The following CNTN5 variants were observed in gnomAD, a reference collection of about 807,000 sequenced individuals.
CNTN5 encodes the protein contactin-5.
CNTN5 carries 77 observed loss-of-function variants against 129.1 expected under a neutral mutation model. The ratio of observed to expected loss-of-function variants is 0.60; its 90% CI spans 0.50 to 0.72. CNTN5 has a LOEUF of 0.72. CNTN5 is among the 30% of genes least tolerant of loss of function. The pLI is 0.00. For synonymous variants in CNTN5, 509 were observed against 465.6 expected (o/e 1.09, Z -1.20); for missense variants, 1,478 against 1,328.8 (o/e 1.11, Z -1.75).
intron 1 of CNTN5, among the ~76,000 whole-genome samples, chr11:99,042,120 A>G (rs1208147533): frequency 6.6e-6 from 1 of 152,164 alleles, no homozygotes; most frequent in African/African-American, 2.4e-5. Flanking sequence ...GTATCATTAT[A>G]TATAATTATT....
chr11:100,122,151 A>C (rs975697125), intron 13 of CNTN5, among the ~76,000 whole-genome samples: 2 of 152,036 alleles, frequency 1.3e-5, no homozygotes, highest in Non-Finnish European at 2.9e-5. Context: ...TAAACACTTC[A>C]GAACCAAGAA....
At chr11:99,205,226 C>T (rs979544620) in intron 1 of CNTN5, among the ~76,000 whole-genome samples, 2 of 152,106 alleles carry the variant, frequency 1.3e-5, no homozygotes, top group East Asian at 1.9e-4. Flanking sequence ...TTCTTGGTCA[C>T]TGAATAGTAT....
intron 3 of CNTN5, among the ~76,000 whole-genome samples, chr11:99,798,785 T>C (rs898333294): frequency 6.6e-6 from 1 of 152,196 alleles, no homozygotes; most frequent in Non-Finnish European, 1.5e-5. Context: ...AAATAATTTG[T>C]TCTAGCTCTG....
intron 1 of CNTN5, among the ~76,000 whole-genome samples, chr11:99,272,097 G>A (rs1460951442): frequency 6.6e-6 from 1 of 151,796 alleles, no homozygotes; most frequent in Non-Finnish European, 1.5e-5. Context: ...ATGATATAAG[G>A]GTTTTAATTA....
At chr11:99,986,440 G>A (rs4754656) in intron 8 of CNTN5, among the ~76,000 whole-genome samples, 106,344 of 151,890 alleles carry the variant, frequency 0.7, 37,565 homozygotes, top group East Asian at 0.8. Context: ...CTGTATGACT[G>A]CTACACCACT....
chr11:99,102,870 A>G (rs1318943721), intron 1 of CNTN5, among the ~76,000 whole-genome samples: 1 of 152,100 alleles, frequency 6.6e-6, no homozygotes, highest in Non-Finnish European at 1.5e-5. Context: ...TACTGGTACC[A>G]ATTTACTGTA....
chr11:99,747,682 C>A (rs1944099911), intron 3 of CNTN5, among the ~76,000 whole-genome samples: 1 of 151,966 alleles, frequency 6.6e-6, no homozygotes. Flanking sequence ...ACTGTGTTAG[C>A]CAGGATGGTT....
intron 3 of CNTN5, among the ~76,000 whole-genome samples, chr11:99,692,028 T>G (rs569304452): frequency 2.0e-5 from 3 of 152,350 alleles, no homozygotes; most frequent in African/African-American, 7.2e-5. Context: ...CTTTCTTGGT[T>G]TAGTGTCTGT....
intron 8 of CNTN5, among the ~76,000 whole-genome samples, chr11:99,991,309 T>C (rs1036822521): frequency 6.6e-6 from 1 of 150,406 alleles, no homozygotes; most frequent in South Asian, 2.1e-4. Flanking sequence ...CTACTAAAAG[T>C]ACAAAAAATT....
At chr11:99,995,604 T>C (rs140430603) in intron 8 of CNTN5, among the ~76,000 whole-genome samples, 1 of 152,272 alleles carries the variant, frequency 6.6e-6, no homozygotes, top group East Asian at 1.9e-4. Context: ...TCATTCCACA[T>C]ACATATGCAA....
chr11:99,108,019 A>G (rs1857596631), intron 1 of CNTN5, among the ~76,000 whole-genome samples: 1 of 151,672 alleles, frequency 6.6e-6, no homozygotes, highest in South Asian at 2.1e-4. Flanking sequence ...ATTTAGCAGA[A>G]CTGGACTATG....
At chr11:99,908,416 C>T (rs551121559) in intron 6 of CNTN5, among the ~76,000 whole-genome samples, 2 of 151,964 alleles carry the variant, frequency 1.3e-5, no homozygotes, top group Non-Finnish European at 2.9e-5. Context: ...TACTCAAACT[C>T]TCTGTGTATG....
chr11:99,772,456 C>A (rs1484468702), intron 3 of CNTN5, among the ~76,000 whole-genome samples: 2 of 151,984 alleles, frequency 1.3e-5, no homozygotes, highest in African/African-American at 4.8e-5. Flanking sequence ...GGATTTGCTC[C>A]TGACATATTC....
At chr11:99,550,647 C>G (rs1433113278) in intron 2 of CNTN5, among the ~76,000 whole-genome samples, 1 of 152,136 alleles carries the variant, frequency 6.6e-6, no homozygotes, top group African/African-American at 2.4e-5. Context: ...TTATCACATG[C>G]AAGTGGGAGT....
At chr11:100,102,038 G>A (rs1945241318) in intron 13 of CNTN5, among the ~76,000 whole-genome samples, 1 of 152,116 alleles carries the variant, frequency 6.6e-6, no homozygotes, top group African/African-American at 2.4e-5. Context: ...CTGAAAACAT[G>A]AATGTGCATG....
At chr11:99,895,886 C>T (rs947502538) in intron 6 of CNTN5, among the ~76,000 whole-genome samples, 2 of 152,210 alleles carry the variant, frequency 1.3e-5, no homozygotes, top group South Asian at 4.2e-4. Context: ...TTCCGTGTCC[C>T]TAGAATAGAT....
At chr11:100,241,510 C>T (rs903377790) in intron 16 of CNTN5, among the ~76,000 whole-genome samples, 13 of 152,286 alleles carry the variant, frequency 8.5e-5, no homozygotes, top group South Asian at 2.1e-4. Context: ...GGGAGTCTTA[C>T]GTTGGCAATT....
chr11:100,180,953 A>G (rs1009394612), intron 13 of CNTN5, among the ~76,000 whole-genome samples: 1 of 152,048 alleles, frequency 6.6e-6, no homozygotes, highest in African/African-American at 2.4e-5. Context: ...CATTGCTGGT[A>G]TGAATGTTAA....
chr11:100,047,694 A>G (rs140550094), intron 9 of CNTN5, among the ~76,000 whole-genome samples: 3 of 152,202 alleles, frequency 2.0e-5, no homozygotes, highest in African/African-American at 7.2e-5. Context: ...CAGATAGCTT[A>G]TAAAGCATAA....
Sources: allele counts gnomAD v4.1 joint callset (sites outside exome capture counted in the v4.1 genomes callset), GRCh38; gene constraint gnomAD v4.1.1; transcripts MANE v1.5; gene names NCBI Gene and HGNC (gene_info 2026-07-23, HGNC 2026-07-21).